Variants in ASTN2 observed in about 807,000 individuals in gnomAD.
ASTN2 encodes the protein astrotactin 2.
In ASTN2, 54 loss-of-function variants were observed where a neutral mutation model predicts 139.8. The observed-to-expected ratio is 0.39, with a 90% CI of 0.31 to 0.48. ASTN2 has a LOEUF of 0.48. Among genes scored for constraint, ASTN2 ranks in the 20% least tolerant of loss-of-function variants. ASTN2 has a pLI of 0.95. For missense variants in ASTN2, 1,565 were observed against 1,725.1 expected (o/e 0.91, Z 1.64); for synonymous variants, 756 against 719.5 (o/e 1.05, Z -0.81).
At chr9:116,805,969 G>T (rs538087014) in intron 12 of ASTN2, 149 bp from the exon 13 acceptor site, 3 of 737,460 alleles carry the variant, frequency 4.1e-6, no homozygotes, top group South Asian at 3.8e-5. Flanking sequence ...CTAGGGCACA[G>T]ATGTCTAGAG....
chr9:116,532,257 A>G (rs2119296279), intron 19 of ASTN2, among the ~76,000 whole-genome samples: 1 of 152,274 alleles, frequency 6.6e-6, no homozygotes, highest in African/African-American at 2.4e-5. Context: ...GATTCTGGAT[A>G]TTAGCCCTTT....
chr9:117,242,544 C>T (rs1258541788), intron 2 of ASTN2, among the ~76,000 whole-genome samples: 1 of 152,202 alleles, frequency 6.6e-6, no homozygotes, highest in African/African-American at 2.4e-5. Context: ...CTATCACACC[C>T]TCTGCATAAT....
intron 19 of ASTN2, among the ~76,000 whole-genome samples, chr9:116,603,931 A>G (rs1171987364): frequency 1.3e-5 from 2 of 152,138 alleles, no homozygotes; most frequent in Non-Finnish European, 2.9e-5. Context: ...TGATCCATAT[A>G]ATTAATTAGT....
intron 22 of ASTN2, 61 bp downstream of exon 22, chr9:116,440,548 C>G (rs1847809796): frequency 6.5e-7 from 1 of 1,534,164 alleles, no homozygotes; most frequent in African/African-American, 1.4e-5. Context: ...GGAAAGGGTC[C>G]AGAAAAGTCA....
At chr9:116,739,237 A>C (rs1219783361) in intron 13 of ASTN2, among the ~76,000 whole-genome samples, 1 of 152,200 alleles carries the variant, frequency 6.6e-6, no homozygotes, top group Non-Finnish European at 1.5e-5. Context: ...GGGATACAGC[A>C]GTGGAAAATC....
chr9:117,013,634 T>C (rs1837595620), intron 6 of ASTN2, among the ~76,000 whole-genome samples: 1 of 152,086 alleles, frequency 6.6e-6, no homozygotes, highest in Non-Finnish European at 1.5e-5. Flanking sequence ...CCTCATTAAC[T>C]CTGATCTTCA....
At chr9:117,174,598 T>C (rs1830873105) in intron 3 of ASTN2, among the ~76,000 whole-genome samples, 1 of 151,954 alleles carries the variant, frequency 6.6e-6, no homozygotes, top group African/African-American at 2.4e-5. Context: ...TAGGATAATG[T>C]TGATATTGGA....
At chr9:116,565,377 CTCTCTCTCTCCATATATATATA>C (rs1457938384) in intron 19 of ASTN2, among the ~76,000 whole-genome samples, 11 of 33,156 alleles carry the variant, frequency 3.3e-4, no homozygotes, top group African/African-American at 1.1e-3. Context: ...CTCTCTCTCT[CTCTCTCTCTCCATATATATATA>C]TATATATATA....
intron 19 of ASTN2, among the ~76,000 whole-genome samples, chr9:116,577,633 C>T (rs1853775734): frequency 6.6e-6 from 1 of 151,832 alleles, no homozygotes; most frequent in African/African-American, 2.4e-5. Flanking sequence ...TTGAAGAGAA[C>T]AAAAAAAGGG....
intron 19 of ASTN2, among the ~76,000 whole-genome samples, chr9:116,565,373 CTCTCTCTCTCTCTCCATATATATATA>C (rs1307354826): frequency 1.4e-4 from 4 of 29,226 alleles, no homozygotes; most frequent in Admixed American, 1.1e-3. Context: ...CTCTCTCTCT[CTCTCTCTCTCTCTCCATATATATATA>C]TATATATATA....
intron 4 of ASTN2, among the ~76,000 whole-genome samples, chr9:117,140,568 G>C (rs1830049661): frequency 6.6e-6 from 1 of 151,406 alleles, no homozygotes. Context: ...AGGAGGAAGA[G>C]AAGTAGGAGG....
intron 3 of ASTN2, among the ~76,000 whole-genome samples, chr9:117,206,258 C>A (rs190054524): frequency 6.6e-6 from 1 of 152,298 alleles, no homozygotes; most frequent in Non-Finnish European, 1.5e-5. Context: ...CACCATCCCC[C>A]TGGCCTGGAT....
At chr9:117,130,317 A>T (rs1829797937) in intron 4 of ASTN2, among the ~76,000 whole-genome samples, 1 of 152,238 alleles carries the variant, frequency 6.6e-6, no homozygotes, top group Non-Finnish European at 1.5e-5. Flanking sequence ...AACAACAAAA[A>T]TGAAAATAAA....
At chr9:116,841,025 G>T (rs1832233320) in intron 11 of ASTN2, among the ~76,000 whole-genome samples, 1 of 146,478 alleles carries the variant, frequency 6.8e-6, no homozygotes, top group African/African-American at 2.6e-5. Context: ...GCCAAGGCAG[G>T]CTGCTGGGAG....
chr9:116,673,051 A>G (rs755871107), intron 16 of ASTN2, among the ~76,000 whole-genome samples: 9 of 152,260 alleles, frequency 5.9e-5, no homozygotes, highest in Non-Finnish European at 1.3e-4. Flanking sequence ...CTCCATAGGT[A>G]GGGCATAGGC....
intron 21 of ASTN2, among the ~76,000 whole-genome samples, chr9:116,441,874 A>AT (rs1847849690): frequency 6.6e-6 from 1 of 152,184 alleles, no homozygotes; most frequent in Admixed American, 6.5e-5. Context: ...TTTTCAGGTT[A>AT]TTTTTGCCTG....
intron 3 of ASTN2, among the ~76,000 whole-genome samples, chr9:117,161,132 G>T (rs1241890904): frequency 6.6e-6 from 1 of 152,032 alleles, no homozygotes; most frequent in Non-Finnish European, 1.5e-5. Context: ...GAGATAACAT[G>T]TTAAAGCATC....
intron 20 of ASTN2, among the ~76,000 whole-genome samples, chr9:116,447,269 T>A (rs1231226624): frequency 1.3e-5 from 2 of 152,202 alleles, no homozygotes; most frequent in African/African-American, 4.8e-5. Context: ...CAAGAGCTGC[T>A]TAGCCCTCCT....
intron 10 of ASTN2, among the ~76,000 whole-genome samples, chr9:116,889,457 G>A (rs1039791702): frequency 2.6e-5 from 4 of 152,082 alleles, no homozygotes; most frequent in East Asian, 1.9e-4. Flanking sequence ...CCTGGCTTCC[G>A]GGTCCATCTC....
Sources: allele counts gnomAD v4.1 joint callset (sites outside exome capture counted in the v4.1 genomes callset), GRCh38; gene constraint gnomAD v4.1.1; transcripts MANE v1.5; gene names NCBI Gene and HGNC (gene_info 2026-07-23, HGNC 2026-07-21).